The following TBL1X variants were observed in gnomAD, a reference collection of about 807,000 sequenced individuals.
The protein encoded by TBL1X is F-box-like/WD repeat-containing protein TBL1X.
Under a neutral mutation model 50.7 loss-of-function variants are expected in TBL1X, and 10 were observed. The ratio of observed to expected loss-of-function variants is 0.20; its 90% CI spans 0.12 to 0.33. The LOEUF (loss-of-function observed/expected upper bound fraction) is 0.33. Among genes scored for constraint, TBL1X ranks in the 10% least tolerant of loss-of-function variants. TBL1X has a pLI of 1.00. For synonymous variants in TBL1X, 190 were observed against 214.7 expected (o/e 0.88, Z 1.01); for missense variants, 340 against 504.4 (o/e 0.67, Z 3.12).
chrX:9,663,916 A>G (rs1428635859), intron 5 of TBL1X, among the ~76,000 whole-genome samples: 1 of 111,096 alleles, frequency 9.0e-6, no homozygotes, highest in African/African-American at 3.3e-5. Context: ...AAGGAAGGTT[A>G]TAGGAGAGTT....
At chrX:9,604,529 G>A (rs1270958452) in intron 2 of TBL1X, among the ~76,000 whole-genome samples, 1 of 110,824 alleles carries the variant, frequency 9.0e-6, no homozygotes, top group African/African-American at 3.3e-5. Flanking sequence ...GTAACTTCTC[G>A]TGTTTGCCAG....
intron 2 of TBL1X, among the ~76,000 whole-genome samples, chrX:9,537,572 ATATGGTAT>A (rs1353964066): frequency 9.4e-6 from 1 of 106,261 alleles, no homozygotes; most frequent in Non-Finnish European, 1.9e-5. Flanking sequence ...ATGTGGGATC[ATATGGTAT>A]TTGTCCTTTT....
chrX:9,646,505 TG>T (rs1403078186), intron 3 of TBL1X, among the ~76,000 whole-genome samples: 8 of 112,330 alleles, frequency 7.1e-5, no homozygotes, highest in Non-Finnish European at 1.5e-4. Flanking sequence ...TGCCTCCAAA[TG>T]GGCAGAGTTT....
At chrX:9,488,725 C>G (rs2081926188) in intron 1 of TBL1X, among the ~76,000 whole-genome samples, 1 of 111,784 alleles carries the variant, frequency 8.9e-6, no homozygotes, top group Admixed American at 9.5e-5. Context: ...TTAATTTGCT[C>G]CTCTGAAGCC....
chrX:9,509,252 G>A (rs1255293726), intron 2 of TBL1X, among the ~76,000 whole-genome samples: 1 of 104,225 alleles, frequency 9.6e-6, no homozygotes, highest in Non-Finnish European at 2.0e-5. Context: ...TTAGCCGGGC[G>A]TGGTGGCGGG....
At chrX:9,680,780 A>G (rs1211147283) in intron 5 of TBL1X, among the ~76,000 whole-genome samples, 1 of 111,847 alleles carries the variant, frequency 8.9e-6, no homozygotes, top group Non-Finnish European at 1.9e-5. Context: ...GAAGGTGCCT[A>G]ATTTCCAGTC....
intron 3 of TBL1X, among the ~76,000 whole-genome samples, chrX:9,649,219 AT>A (rs1013676152): frequency 8.9e-6 from 1 of 112,241 alleles, no homozygotes; most frequent in African/African-American, 3.2e-5. Context: ...AGATTCTACA[AT>A]TTTTGGAATT....
intron 2 of TBL1X, among the ~76,000 whole-genome samples, chrX:9,575,045 A>C (rs1036254398): frequency 1.8e-5 from 2 of 111,444 alleles, no homozygotes; most frequent in Non-Finnish European, 3.8e-5. Context: ...TAAAGAAAAG[A>C]GGTTGAATTG....
intron 15 of TBL1X, 104 bp downstream of exon 15, chrX:9,709,864 A>G: frequency 9.6e-7 from 1 of 1,036,759 alleles, no homozygotes; most frequent in Non-Finnish European, 1.3e-6. Flanking sequence ...CTTCAGAGGA[A>G]GCAAAGCGGT....
At chrX:9,613,847 A>G (rs1018578879) in intron 2 of TBL1X, among the ~76,000 whole-genome samples, 2 of 108,910 alleles carry the variant, frequency 1.8e-5, no homozygotes, top group African/African-American at 6.7e-5. Context: ...TTAGCCGGGC[A>G]TGGTGGGGCA....
In TBL1X at chrX:9,693,171, C is replaced by T. The variant is rs1267475619; in HGVS notation, c.914C>T (p.Thr305Met). ...CAGACCAATGGAACACTCTTGGCTA[C>T]GGGTTCATATGACGGTTTTGCAAGA... ...DWNTNGTLLA[T>M]GSYDGFARIW... The change falls in exon 10 of 18, where the codon ACG becomes ATG. Residue 305 changes from threonine (T) to methionine (M), a missense_variant. By Grantham distance (81) the Thr-to-Met change is moderately conservative. Transcript: ENST00000645353. The T allele has an allele frequency of 8.3e-7, 1 of 1,209,510 alleles. No homozygotes were observed. The highest frequency in any genetic ancestry group is 1.1e-6 in the Non-Finnish European group (1 of 895,129).
chrX:9,579,553 G>A (rs185316563), intron 2 of TBL1X, among the ~76,000 whole-genome samples: 4 of 111,697 alleles, frequency 3.6e-5, no homozygotes, highest in Non-Finnish European at 7.5e-5. Flanking sequence ...GGAAGTGACC[G>A]GGAAGTGAAT....
At chrX:9,689,603 C>T (rs776170587) in intron 7 of TBL1X, among the ~76,000 whole-genome samples, 1 of 111,692 alleles carries the variant, frequency 9.0e-6, no homozygotes, top group Admixed American at 9.4e-5. Context: ...ACCCCAACCC[C>T]CTTCTCAAAC....
At chrX:9,536,892 C>T (rs1017433162) in intron 2 of TBL1X, among the ~76,000 whole-genome samples, 2 of 111,932 alleles carry the variant, frequency 1.8e-5, no homozygotes, top group African/African-American at 3.3e-5. Flanking sequence ...GCTTTAATCC[C>T]TCTTTCAGTG....
intron 2 of TBL1X, among the ~76,000 whole-genome samples, chrX:9,632,975 A>C (rs989288211): frequency 1.8e-5 from 2 of 112,463 alleles, no homozygotes; most frequent in African/African-American, 6.5e-5. Flanking sequence ...TGGCATACCC[A>C]GGGTTACCAT....
At chrX:9,562,434 A>T (rs955852814) in intron 2 of TBL1X, among the ~76,000 whole-genome samples, 7 of 112,133 alleles carry the variant, frequency 6.2e-5, no homozygotes, top group Admixed American at 2.8e-4. Flanking sequence ...GTTTAGAAGT[A>T]CTGATTTTGC....
Position 9,696,524 on chromosome X carries a change from A to C in TBL1X, c.1054-845A>C, listed in dbSNP as rs755969042. Among the ~76,000 whole-genome samples the C allele has an allele frequency of 4.4e-5, 5 of 112,848 alleles. No homozygotes were observed. In the South Asian group the frequency reaches 1.8e-3, roughly 41 times the overall value. On this transcript the variant is annotated intron_variant, in intron 11 of 17. Coordinates refer to ENST00000645353, the MANE Select transcript of TBL1X (RefSeq NM_005647.4). ...CTATCTTCCTAGCGTCAGTAAATTC[A>C]TAAAAATTCGTGATTTCCTTTGCTT...
At chrX:9,567,001 C>T (rs2082354636) in intron 2 of TBL1X, among the ~76,000 whole-genome samples, 1 of 111,840 alleles carries the variant, frequency 8.9e-6, no homozygotes, top group South Asian at 3.7e-4. Context: ...TTCTGTTTTA[C>T]TCTTTCCTTT....
rs774181046 is a variant in TBL1X, at chrX:9,546,803, A to ATTTTTTTTTT, written c.-131+44978_-131+44987dup. Among the ~76,000 whole-genome samples, 29 of 44,984 alleles carry ATTTTTTTTTT rather than the reference A, an allele frequency of 6.4e-4. 2 individuals are homozygous for ATTTTTTTTTT. Among genetic ancestry groups the ATTTTTTTTTT allele is most frequent in the Non-Finnish European group, 9.6e-4 (25 of 26,098 alleles). 39.1% of individuals were successfully genotyped at this position (44,984 alleles called of 115,157 possible). A position where few individuals can be genotyped will look rare whatever the true frequency, so the allele number is the denominator to read the frequency against. Reference sequence around the variant, plus strand: ...ATCACTATGGATTCATTTATTCTTAATTTTTTTTTTTTTTTTTTTTTTTTT... The same window carrying ATTTTTTTTTT: ...ATCACTATGGATTCATTTATTCTTAATTTTTTTTTTTTTTTTTTTTTTTTTTTTTTTTTTT... On this transcript the variant is annotated intron_variant, in intron 2 of 17. Coordinates refer to ENST00000645353, the MANE Select transcript of TBL1X (RefSeq NM_005647.4).
Sources: gnomAD v4.1 joint callset for allele counts (sites outside exome capture counted in the v4.1 genomes callset) on GRCh38, gnomAD v4.1.1 for gene constraint, MANE v1.5 for transcripts, NCBI Gene and HGNC (gene_info 2026-07-23, HGNC 2026-07-21) for gene names.